Variants in GAB2 observed in about 807,000 individuals in gnomAD.
The protein encoded by GAB2 is GRB2 associated binding protein 2, also known as GRB2-associated-binding protein 2.
Under a neutral mutation model 65.5 loss-of-function variants are expected in GAB2, and 26 were observed. That is an observed-to-expected ratio of 0.40 (90% CI 0.29 to 0.55). The LOEUF (loss-of-function observed/expected upper bound fraction) is 0.55, where lower values mean the gene tolerates loss of function less well. Ranked by LOEUF, GAB2 falls within the 20% of genes least tolerant of loss-of-function variation. The pLI is 0.53. For missense variants in GAB2, 884 were observed against 875.8 expected (o/e 1.01, Z -0.12); for synonymous variants, 321 against 329.6 (o/e 0.97, Z 0.28).
chr11:78,289,584 GAAGTT>G (rs1175606736), intron 1 of GAB2, among the ~76,000 whole-genome samples: 1 of 152,082 alleles, frequency 6.6e-6, no homozygotes, highest in Non-Finnish European at 1.5e-5. Flanking sequence ...AAAGTTTCAG[GAAGTT>G]AAGACATTAA....
At chr11:78,396,174 A>G (rs1282078896) in intron 1 of GAB2, among the ~76,000 whole-genome samples, 2 of 152,232 alleles carry the variant, frequency 1.3e-5, no homozygotes, top group Non-Finnish European at 2.9e-5. Flanking sequence ...GGTCATACCA[A>G]TTAAAAGCCA....
chr11:78,412,267 GAACT>G (rs1291689604), intron 1 of GAB2, among the ~76,000 whole-genome samples: 2 of 152,060 alleles, frequency 1.3e-5, no homozygotes, highest in East Asian at 1.9e-4. Flanking sequence ...ATGTAAATGA[GAACT>G]AACGGGTGAA....
chr11:78,232,298 A>G (rs1864869654), intron 3 of GAB2, among the ~76,000 whole-genome samples: 1 of 152,180 alleles, frequency 6.6e-6, no homozygotes. Context: ...TTTCACTCCT[A>G]GTAACCCTCA....
At chr11:78,377,508 C>T (rs185328042) in intron 1 of GAB2, among the ~76,000 whole-genome samples, 2 of 152,298 alleles carry the variant, frequency 1.3e-5, no homozygotes, top group Admixed American at 1.3e-4. Flanking sequence ...TGGGGGGACA[C>T]AAACATTGAG....
intron 1 of GAB2, among the ~76,000 whole-genome samples, chr11:78,379,287 T>C (rs1299021891): frequency 1.3e-5 from 2 of 152,190 alleles, no homozygotes; most frequent in East Asian, 3.8e-4. Flanking sequence ...GAGTACCAAA[T>C]TGAAATGCTG....
intron 1 of GAB2, among the ~76,000 whole-genome samples, chr11:78,349,418 A>G (rs11237463): frequency 0.16 from 24,120 of 152,220 alleles, 2,571 homozygotes; most frequent in East Asian, 0.41. Context: ...AGGCACTATT[A>G]TCTCTATTAC....
intron 1 of GAB2, among the ~76,000 whole-genome samples, chr11:78,348,525 C>A: frequency 6.6e-6 from 1 of 152,124 alleles, no homozygotes; most frequent in East Asian, 1.9e-4. Flanking sequence ...AAATGAAAAC[C>A]ACAATGAATA....
At chr11:78,328,901 G>A (rs1855869360) in intron 1 of GAB2, among the ~76,000 whole-genome samples, 1 of 152,096 alleles carries the variant, frequency 6.6e-6, no homozygotes, top group Non-Finnish European at 1.5e-5. Context: ...ACTTCAGATT[G>A]ACATTTCACT....
intron 1 of GAB2, among the ~76,000 whole-genome samples, chr11:78,324,519 G>C (rs1258203040): frequency 6.6e-6 from 1 of 152,178 alleles, no homozygotes; most frequent in Non-Finnish European, 1.5e-5. Flanking sequence ...AATGGAAAAA[G>C]AAAGGTGCTA....
At chr11:78,291,572 T>C (rs1470745344) in intron 1 of GAB2, among the ~76,000 whole-genome samples, 15 of 117,560 alleles carry the variant, frequency 1.3e-4, no homozygotes, top group African/African-American at 2.8e-4. Context: ...TTTTTTTTTT[T>C]TTTTTTTTTT....
chr11:78,289,059 C>CT lies in GAB2; in HGVS notation c.76-8159dup, dbSNP rs201511962. 4.3e-4 allele frequency among the ~76,000 whole-genome samples: 65 copies of CT among 152,282 alleles called. 1 individual carries two copies. The East Asian group carries it at 0.012, about 28-fold the overall frequency. ...AGAACAGAAAACCCAGAAACAGACC[C>CT]TCACAATATGCCCAACTGATTTTTC... On this transcript the variant is annotated intron_variant, in intron 1 of 9. Transcript: ENST00000361507.
At chr11:78,288,102 G>A (rs935400244) in intron 1 of GAB2, among the ~76,000 whole-genome samples, 1 of 151,818 alleles carries the variant, frequency 6.6e-6, no homozygotes, top group Non-Finnish European at 1.5e-5. Flanking sequence ...AATCGTGGCT[G>A]GGCACAGTGG....
At chr11:78,353,305 G>T (rs1286038131) in intron 1 of GAB2, among the ~76,000 whole-genome samples, 2 of 152,182 alleles carry the variant, frequency 1.3e-5, no homozygotes. Flanking sequence ...GCTGGGCATG[G>T]TGGTGTGTAC....
intron 1 of GAB2, among the ~76,000 whole-genome samples, chr11:78,308,798 T>C (rs1855426460): frequency 6.6e-6 from 1 of 152,130 alleles, no homozygotes. Flanking sequence ...GAAAGAGACA[T>C]TCAGGGATTT....
At chr11:78,265,859 T>A (rs2134554431) in intron 2 of GAB2, among the ~76,000 whole-genome samples, 1 of 152,304 alleles carries the variant, frequency 6.6e-6, no homozygotes, top group Non-Finnish European at 1.5e-5. Context: ...TATCTGGAAA[T>A]AAGTCAGAAT....
chr11:78,227,630 C>CA (rs1864714605), intron 3 of GAB2, among the ~76,000 whole-genome samples: 5 of 86,358 alleles, frequency 5.8e-5, no homozygotes, highest in African/African-American at 3.0e-4. Context: ...TCCATTGCCA[C>CA]CAAAAAAAAA....
intron 1 of GAB2, among the ~76,000 whole-genome samples, chr11:78,388,321 G>A (rs1565181604): frequency 6.6e-6 from 1 of 152,036 alleles, no homozygotes. Context: ...GAGCCACTGT[G>A]CCTGGCCTCC....
intron 2 of GAB2, among the ~76,000 whole-genome samples, chr11:78,265,401 C>A (rs900659625): frequency 5.3e-5 from 8 of 152,172 alleles, no homozygotes; most frequent in African/African-American, 1.9e-4. Context: ...GTCATTTGAG[C>A]AGTTTGGAAC....
At chr11:78,362,797 C>T (rs1204387537) in intron 1 of GAB2, among the ~76,000 whole-genome samples, 1 of 152,080 alleles carries the variant, frequency 6.6e-6, no homozygotes, top group Non-Finnish European at 1.5e-5. Context: ...AAAGCATATA[C>T]ATTACTCAAA....
Sources: gnomAD v4.1 joint callset for allele counts (sites outside exome capture counted in the v4.1 genomes callset) on GRCh38, gnomAD v4.1.1 for gene constraint, MANE v1.5 for transcripts, NCBI Gene and HGNC (gene_info 2026-07-23, HGNC 2026-07-21) for gene names.